The following HERC6 variants were observed in gnomAD, a reference collection of about 807,000 sequenced individuals.
The protein encoded by HERC6 is HECT and RLD domain containing E3 ubiquitin protein ligase family member 6.
In HERC6, 101 loss-of-function variants were observed where a neutral mutation model predicts 114.5. The observed-to-expected ratio is 0.88, with a 90% confidence interval of 0.75 to 1.04. The LOEUF is 1.04. Ranked by LOEUF, HERC6 falls within the 50% of genes least tolerant of loss-of-function variation. HERC6 has a pLI of 0.00. For missense variants in HERC6, 1,133 were observed against 1,230.9 expected (o/e 0.92, Z 1.19); for synonymous variants, 408 against 436.2 (o/e 0.94, Z 0.81).
rs78767588 is a variant in HERC6 at position 88,438,863 on chromosome 4, G to A, written c.2556-1011G>A. ...CAGCACACCAATGGTTACAGGGGAA[G>A]GCAGACAAGAGTTGATTTAGATAGG... On this transcript the variant is annotated intron_variant, in intron 20 of 22. Coordinates refer to ENST00000264346, the MANE Select transcript of HERC6 (RefSeq NM_017912.4). Among the ~76,000 whole-genome samples the A allele has an allele frequency of 3.9e-3, 596 of 152,282 alleles. 5 individuals are homozygous for A. Among genetic ancestry groups the A allele is most frequent in the African/African-American group, 0.014 (571 of 41,566 alleles).
chr4:88,393,187 CT>C (rs552454448), intron 4 of HERC6, among the ~76,000 whole-genome samples: 332 of 152,180 alleles, frequency 2.2e-3, no homozygotes, highest in Middle Eastern at 6.8e-3. Flanking sequence ...AGGAGCACTT[CT>C]TTTTTTCTCT....
intron 2 of HERC6, among the ~76,000 whole-genome samples, chr4:88,384,681 AT>A (rs962962716): frequency 2.6e-5 from 4 of 152,182 alleles, no homozygotes; most frequent in Non-Finnish European, 5.9e-5. Flanking sequence ...CTACAGCATC[AT>A]AACTATTTGA....
intron 17 of HERC6, among the ~76,000 whole-genome samples, chr4:88,434,581 G>A (rs1738551634): frequency 6.6e-6 from 1 of 152,156 alleles, no homozygotes; most frequent in Non-Finnish European, 1.5e-5. Context: ...ACAGGTTGGG[G>A]ATGGAGAGGA....
At chr4:88,436,495 G>A (rs944210946) in intron 18 of HERC6, among the ~76,000 whole-genome samples, 6 of 152,248 alleles carry the variant, frequency 3.9e-5, no homozygotes, top group Middle Eastern at 3.4e-3. Context: ...CTTTGTTGTG[G>A]GAGACTGTCC....
chr4:88,401,492 A>G (rs1303620663), intron 8 of HERC6, among the ~76,000 whole-genome samples: 1 of 144,512 alleles, frequency 6.9e-6, no homozygotes, highest in African/African-American at 2.6e-5. Flanking sequence ...CTCCATCTCA[A>G]AAAAAAAAAA....
At chr4:88,418,721 T>G (rs1030303948) in intron 13 of HERC6, among the ~76,000 whole-genome samples, 4 of 152,244 alleles carry the variant, frequency 2.6e-5, no homozygotes, top group South Asian at 2.1e-4. Flanking sequence ...TGTGTGATTT[T>G]TTTGTTTGTT....
chr4:88,389,707 TC>T (rs5860132), intron 3 of HERC6, among the ~76,000 whole-genome samples: 43,764 of 151,864 alleles, frequency 0.29, 6,438 homozygotes, highest in African/African-American at 0.34. Context: ...TACTTTAATC[TC>T]ATTTTTTTCT....
chr4:88,408,034 TTGATGCTCTC>T lies in HERC6; in HGVS notation c.1275-489_1275-480del, dbSNP rs560104800. 1.1e-3 allele frequency among the ~76,000 whole-genome samples: 167 copies of T among 152,350 alleles called. No homozygotes were observed. In the South Asian group the frequency reaches 0.022, roughly 20 times the overall value. On this transcript the variant is annotated intron_variant, in intron 10 of 22. Transcript: ENST00000264346. ...TCAAAGAATCTATGGGCACAAACTG[TTGATGCTCTC>T]CATTGAAGAGTTAAATGGGTCTTTC...
At chr4:88,403,602 A>C (rs113221412) in intron 8 of HERC6, among the ~76,000 whole-genome samples, 2 of 151,948 alleles carry the variant, frequency 1.3e-5, no homozygotes, top group Admixed American at 1.3e-4. Flanking sequence ...AAAATACAAA[A>C]AATTAGCTGG....
chr4:88,396,109 T>A lies in HERC6; in HGVS notation c.854T>A (p.Ile285Asn). ...AGAGGTCCACAACTTGTGGAAAGAA[T>A]TGATGGCCTAGTTTCGCAGATAGAT... ...EKRGPQLVER[I>N]DGLVSQIDCG... The change falls in exon 6 of 23, where the codon ATT becomes AAT. Residue 285 changes from isoleucine (I) to asparagine (N), a missense_variant. By Grantham distance (149) the Ile-to-Asn change is moderately radical. Coordinates refer to ENST00000264346, the MANE Select transcript of HERC6 (RefSeq NM_017912.4). 1.2e-6 allele frequency: 2 copies of A among 1,604,504 alleles called. No individual in the cohort carries two copies. Among genetic ancestry groups the A allele is most frequent in the Non-Finnish European group, 1.7e-6 (2 of 1,175,444 alleles).
intron 15 of HERC6, among the ~76,000 whole-genome samples, chr4:88,425,801 T>G (rs1025606053): frequency 6.6e-6 from 1 of 152,158 alleles, no homozygotes; most frequent in African/African-American, 2.4e-5. Context: ...AAACTTTTTT[T>G]TTATTGCTGA....
At chr4:88,389,673 C>T (rs1271379732) in intron 3 of HERC6, among the ~76,000 whole-genome samples, 1 of 151,732 alleles carries the variant, frequency 6.6e-6, no homozygotes, top group Non-Finnish European at 1.5e-5. Context: ...TGACCTGGAC[C>T]GCCCCGCTTG....
intron 3 of HERC6, among the ~76,000 whole-genome samples, chr4:88,387,593 C>A (rs1734652628): frequency 6.6e-6 from 1 of 152,188 alleles, no homozygotes. Flanking sequence ...GACTACAAAT[C>A]CAGGGCATAT....
intron 3 of HERC6, among the ~76,000 whole-genome samples, chr4:88,390,109 G>A (rs1230015011): frequency 1.3e-5 from 2 of 150,198 alleles, no homozygotes; most frequent in Non-Finnish European, 2.9e-5. Context: ...AAACCAGGAG[G>A]TGGAGTTTGC....
At chr4:88,396,279 A>G in intron 6 of HERC6, 137 bp downstream of exon 6, 1 of 594,916 alleles carries the variant, frequency 1.7e-6, no homozygotes, top group Non-Finnish European at 2.5e-6. Context: ...AATATAGTTT[A>G]ATTTTTCAGT....
chr4:88,403,207 T>C (rs1735636077), intron 8 of HERC6, among the ~76,000 whole-genome samples: 1 of 152,110 alleles, frequency 6.6e-6, no homozygotes. Context: ...TCAGCATCAC[T>C]GGAGTATTTT....
Position 88,390,860 on chromosome 4 carries a change from C to G in HERC6, c.645C>G (p.Leu215=). 6.2e-7 allele frequency: 1 copy of G among 1,613,234 alleles called. No individual in the cohort carries two copies. Among genetic ancestry groups the G allele is most frequent in the South Asian group, 1.1e-5 (1 of 91,016 alleles). ...WGSNSAGQLA[L]SGRNVPVQSN... is the part of the protein sequence containing the mutation. ...GTAACAGTGCCGGGCAGCTGGCCCT[C>G]AGTGGGCGTAATGTCCCAGGTAAGG... The change falls in exon 4 of 23, where the codon CTC becomes CTG. Residue 215 remains leucine (L), a synonymous_variant. Transcript: ENST00000264346.
rs1445308427 is a variant in HERC6 at position 88,442,943 on chromosome 4, T to A, written c.*483T>A. The A allele has an allele frequency of 5.9e-6, 1 of 169,798 alleles. No individual in the cohort carries two copies. 10.5% of individuals were successfully genotyped at this position (169,798 alleles called of 1,614,324 possible). On this transcript the variant is annotated 3_prime_UTR_variant, in exon 23 of 23. Transcript: ENST00000264346. ...CTTTCATTTACATAGGGTGTAACCA[T>A]CAAGAAACCTCTACAGGGTACTTAA...
At chr4:88,393,604 T>C in intron 5 of HERC6, 22 bp downstream of exon 5, 2 of 1,451,100 alleles carry the variant, frequency 1.4e-6, no homozygotes, top group Non-Finnish European at 1.9e-6. Flanking sequence ...CGTGTTGCTA[T>C]TTTTTTGAGT....
Sources: allele counts gnomAD v4.1 joint callset (sites outside exome capture counted in the v4.1 genomes callset), GRCh38; gene constraint gnomAD v4.1.1; transcripts MANE v1.5; gene names NCBI Gene and HGNC (gene_info 2026-07-23, HGNC 2026-07-21).